Variants in COL5A2 observed in about 807,000 individuals in gnomAD.
COL5A2 encodes collagen type V alpha 2 chain, also known as collagen alpha-2(V) chain.
In COL5A2, 23 loss-of-function variants were observed where a neutral mutation model predicts 208.2. The observed-to-expected ratio is 0.11, with a 90% CI of 0.08 to 0.16. The LOEUF is 0.16. Among genes scored for constraint, COL5A2 ranks in the 10% least tolerant of loss-of-function variants. The probability of loss-of-function intolerance (pLI) is 1.00; values close to 1 mark genes in which losing one functional copy is unlikely to be tolerated. For missense variants in COL5A2, 1,590 were observed against 1,956.4 expected, an observed-to-expected ratio of 0.81 and a Z score of 3.53; for synonymous variants, 625 against 628.5, an observed-to-expected ratio of 0.99 and a Z score of 0.08.
At chr2:189,367,365 C>A in the COL5A2 span, among the ~76,000 whole-genome samples, 3 of 152,186 alleles carry the variant, frequency 2.0e-5, no homozygotes, top group African/African-American at 7.2e-5. Flanking sequence ...TGTAAAACAG[C>A]TACATTTTAA....
At chr2:189,041,515 G>C (rs1204044773) in intron 50 of COL5A2, 71 bp downstream of exon 50, 18 of 1,237,434 alleles carry the variant, frequency 1.5e-5, no homozygotes, top group Non-Finnish European at 2.2e-5. Flanking sequence ...GGGCTGCACA[G>C]ACATTTCTTG....
chr2:189,395,008 C>A, the COL5A2 span, among the ~76,000 whole-genome samples: 1 of 152,152 alleles, frequency 6.6e-6, no homozygotes, highest in African/African-American at 2.4e-5. Flanking sequence ...GTACAATGCT[C>A]ATTTTTAAAG....
At chr2:189,130,353 C>T (rs180778544) in intron 1 of COL5A2, among the ~76,000 whole-genome samples, 1 of 152,104 alleles carries the variant, frequency 6.6e-6, no homozygotes, top group African/African-American at 2.4e-5. Flanking sequence ...TATACAGCCT[C>T]TTTACAAATT....
At chr2:189,184,300 A>G (rs1688819670), upstream of COL5A2, among the ~76,000 whole-genome samples, 1 of 152,130 alleles carries the variant, frequency 6.6e-6, no homozygotes, top group South Asian at 2.1e-4. Context: ...AGAAAACAGA[A>G]AAGAAGACAT....
At chr2:189,129,899 T>C (rs2105751496) in intron 1 of COL5A2, among the ~76,000 whole-genome samples, 1 of 152,180 alleles carries the variant, frequency 6.6e-6, no homozygotes, top group South Asian at 2.1e-4. Context: ...CAGTTATAAA[T>C]TATATGAGCA....
the COL5A2 span, among the ~76,000 whole-genome samples, chr2:189,296,707 G>A: frequency 8.5e-5 from 13 of 152,166 alleles, no homozygotes; most frequent in African/African-American, 3.1e-4. Flanking sequence ...TGAAAATCCT[G>A]AAGTATTTAC....
At chr2:189,177,755 A>G (rs1688703879) in intron 1 of COL5A2, among the ~76,000 whole-genome samples, 1 of 152,200 alleles carries the variant, frequency 6.6e-6, no homozygotes, top group South Asian at 2.1e-4. Flanking sequence ...ACTATTAAGA[A>G]AAATTATCTG....
chr2:189,282,121 G>C, the COL5A2 span, among the ~76,000 whole-genome samples: 1 of 152,120 alleles, frequency 6.6e-6, no homozygotes. Context: ...TGGAGGCAGA[G>C]GTGGCAGTGA....
At chr2:189,061,514 G>A in intron 30 of COL5A2, 48 bp downstream of exon 30, 1 of 1,314,722 alleles carries the variant, frequency 7.6e-7, no homozygotes, top group Non-Finnish European at 1.1e-6. Flanking sequence ...AAAAAAAAAA[G>A]CATTTTAGTT....
intron 1 of COL5A2, among the ~76,000 whole-genome samples, chr2:189,217,195 T>G (rs1689289878): frequency 6.6e-6 from 1 of 152,184 alleles, no homozygotes; most frequent in South Asian, 2.1e-4. Flanking sequence ...CATCAGCATC[T>G]TGTTATCATA....
At chr2:189,147,647 C>CA (rs2105782403) in intron 1 of COL5A2, among the ~76,000 whole-genome samples, 1 of 151,934 alleles carries the variant, frequency 6.6e-6, no homozygotes, top group African/African-American at 2.4e-5. Context: ...AAGTAAAGAC[C>CA]AAAAAAATAT....
the COL5A2 span, among the ~76,000 whole-genome samples, chr2:189,339,765 G>A: frequency 6.6e-6 from 1 of 152,294 alleles, no homozygotes; most frequent in Non-Finnish European, 1.5e-5. Context: ...GACAGGTGTG[G>A]GGTCTGACAT....
chr2:189,267,189 A>G, the COL5A2 span, among the ~76,000 whole-genome samples: 1 of 152,148 alleles, frequency 6.6e-6, no homozygotes, highest in Non-Finnish European at 1.5e-5. Flanking sequence ...TTCTGTAAAT[A>G]TAAATATAAT....
At chr2:189,091,351 T>C (rs1686779621) in intron 7 of COL5A2, among the ~76,000 whole-genome samples, 1 of 152,218 alleles carries the variant, frequency 6.6e-6, no homozygotes, top group Non-Finnish European at 1.5e-5. Flanking sequence ...GTGAAGATAC[T>C]GTGAAGATTG....
chr2:189,339,547 C>G, the COL5A2 span, among the ~76,000 whole-genome samples: 1 of 152,082 alleles, frequency 6.6e-6, no homozygotes, highest in African/African-American at 2.4e-5. Context: ...CACAGAAAGC[C>G]AATCACTGAG....
In COL5A2 at chr2:189,179,491, G is replaced by A. The variant is rs1181439560; in HGVS notation, c.97+17C>T. ...CCGTGCAATAAACACTACAAGCAAAGCAAATGGCAAACTCACCATCCTCGT... is the reference window on the plus strand; with the variant it reads ...CCGTGCAATAAACACTACAAGCAAAACAAATGGCAAACTCACCATCCTCGT... On this transcript the variant is annotated intron_variant, in intron 1 of 53. Transcript: ENST00000374866. 3.7e-6 allele frequency: 6 copies of A among 1,608,790 alleles called. No homozygotes were observed. Among genetic ancestry groups the A allele is most frequent in the East Asian group, 2.2e-5 (1 of 44,826 alleles).
the COL5A2 span, among the ~76,000 whole-genome samples, chr2:189,255,559 T>C: frequency 6.6e-6 from 1 of 152,200 alleles, no homozygotes; most frequent in South Asian, 2.1e-4. Flanking sequence ...AATAATTATT[T>C]GTGCATCAAA....
chr2:189,264,226 T>C, the COL5A2 span, among the ~76,000 whole-genome samples: 1 of 152,032 alleles, frequency 6.6e-6, no homozygotes, highest in Non-Finnish European at 1.5e-5. Flanking sequence ...AGAGATAATA[T>C]TATAAAATTT....
At chr2:189,131,196 G>A (rs560782107) in intron 1 of COL5A2, among the ~76,000 whole-genome samples, 53 of 152,124 alleles carry the variant, frequency 3.5e-4, no homozygotes, top group African/African-American at 1.3e-3. Context: ...GATTCTTATT[G>A]GAATAAATGT....
Sources: allele counts gnomAD v4.1 joint callset (sites outside exome capture counted in the v4.1 genomes callset), GRCh38; gene constraint gnomAD v4.1.1; transcripts MANE v1.5; gene names NCBI Gene and HGNC (gene_info 2026-07-23, HGNC 2026-07-21).